MCF2L2: variants seen among roughly 807,000 people sequenced by gnomAD.
MCF2L2 encodes the protein MCF.2 cell line derived transforming sequence-like 2, also known as probable guanine nucleotide exchange factor MCF2L2.
A neutral mutation model predicts 150.2 loss-of-function variants in MCF2L2; 102 were observed. The ratio of observed to expected loss-of-function variants is 0.68; its 90% CI spans 0.58 to 0.80. The LOEUF is 0.80. MCF2L2 is among the 30% of genes least tolerant of loss of function. MCF2L2 has a pLI of 0.00. For synonymous variants in MCF2L2, 465 were observed against 491.3 expected (o/e 0.95, Z 0.71); for missense variants, 1,256 against 1,372.8 (o/e 0.91, Z 1.34).
At chr3:183,356,805 A>C (rs1711812131) in intron 3 of MCF2L2, among the ~76,000 whole-genome samples, 1 of 152,214 alleles carries the variant, frequency 6.6e-6, no homozygotes. Flanking sequence ...CAAACAGAAC[A>C]GCCAATCTAG....
At chr3:183,222,403 A>G (rs1490797137) in intron 20 of MCF2L2, among the ~76,000 whole-genome samples, 1 of 152,172 alleles carries the variant, frequency 6.6e-6, no homozygotes. Context: ...TACAAAAATT[A>G]GCCAGGCATG....
At chr3:183,332,478 G>C (rs1008471721) in intron 5 of MCF2L2, among the ~76,000 whole-genome samples, 1 of 152,152 alleles carries the variant, frequency 6.6e-6, no homozygotes, top group African/African-American at 2.4e-5. Flanking sequence ...CCTAGGTGTA[G>C]ATGCATCACC....
chr3:183,365,513 T>C (rs988324528), intron 3 of MCF2L2, among the ~76,000 whole-genome samples: 1 of 152,224 alleles, frequency 6.6e-6, no homozygotes, highest in Non-Finnish European at 1.5e-5. Context: ...CTCAAGTCAC[T>C]GAGGCACAGA....
At chr3:183,341,261 G>A (rs933071238) in intron 4 of MCF2L2, among the ~76,000 whole-genome samples, 6 of 152,118 alleles carry the variant, frequency 3.9e-5, no homozygotes, top group African/African-American at 1.2e-4. Flanking sequence ...GTTACTCCCC[G>A]GGCATTAACT....
In MCF2L2 at chr3:183,327,371, T is replaced by C. The variant is rs80209846; in HGVS notation, c.487-4020A>G. ...AAATAAATAAATAAAACCTAACCAA[T>C]AGGCCAGGGAAGACTGCAAAGAAAG... is the stretch of plus-strand genomic sequence containing the variant. On this transcript the variant is annotated intron_variant, in intron 5 of 29. Transcript: ENST00000328913. Among the ~76,000 whole-genome samples the C allele has an allele frequency of 1.5e-4, 23 of 152,068 alleles. No individual in the cohort carries two copies. The East Asian group carries it at 4.4e-3, about 29-fold the overall frequency.
At chr3:183,214,089 T>A (rs535726278) in intron 22 of MCF2L2, among the ~76,000 whole-genome samples, 2 of 152,344 alleles carry the variant, frequency 1.3e-5, no homozygotes, top group South Asian at 4.1e-4. Context: ...ACCATTCTTT[T>A]CTCACAGCCT....
chr3:183,294,216 T>TA (rs1728328371), intron 13 of MCF2L2, among the ~76,000 whole-genome samples: 2 of 152,212 alleles, frequency 1.3e-5, no homozygotes, highest in Admixed American at 1.3e-4. Context: ...CATAAGAACT[T>TA]ACCTATTTTT....
intron 21 of MCF2L2, among the ~76,000 whole-genome samples, chr3:183,216,578 ATATTTTTTTTTTTTTTTTTTTTTTT>A (rs1397494317): frequency 8.1e-3 from 55 of 6,768 alleles, no homozygotes; most frequent in Non-Finnish European, 0.015. Context: ...ATATATATAT[ATATTTTTTTTTTTTTTTTTTTTTTT>A]TTTTTTTTTT....
At chr3:183,231,318 G>A (rs1723548406) in intron 15 of MCF2L2, 1 of 520,912 alleles carries the variant, frequency 1.9e-6, no homozygotes, top group South Asian at 1.6e-5. Context: ...GTCAAGAAGG[G>A]AGATGTTGGA....
intron 10 of MCF2L2, among the ~76,000 whole-genome samples, chr3:183,303,160 C>T (rs917350160): frequency 1.4e-5 from 2 of 145,660 alleles, no homozygotes; most frequent in Non-Finnish European, 3.0e-5. Context: ...TGCCACTGCA[C>T]TCCAGCCTGG....
Position 183,400,243 on chromosome 3 carries a change from A to G in MCF2L2, c.77-10464T>C, listed in dbSNP as rs76639740. ...CAAAAAACTTGAGACGGTACTGCAA[A>G]GTAAGATTTTTTTTAATGTAAAATT... On this transcript the variant is annotated intron_variant, in intron 1 of 29. Coordinates refer to ENST00000328913, the MANE Select transcript of MCF2L2 (RefSeq NM_015078.4). 1.8e-3 allele frequency: 598 copies of G among 331,698 alleles called. 9 individuals carry two copies. Among genetic ancestry groups the G allele is most frequent in the Admixed American group, 0.017 (392 of 22,746 alleles). The allele number at this position is 331,698 out of a possible 1,614,324, so 20.5% of individuals were successfully genotyped here.
At chr3:183,366,994 T>C (rs1456152081) in intron 3 of MCF2L2, among the ~76,000 whole-genome samples, 2 of 152,172 alleles carry the variant, frequency 1.3e-5, no homozygotes, top group Admixed American at 1.3e-4. Context: ...AAAAAAGTCA[T>C]TGTCTGACTC....
chr3:183,223,613 A>T (rs1396506566), intron 19 of MCF2L2, among the ~76,000 whole-genome samples, 175 bp from the exon 20 acceptor site: 1 of 152,238 alleles, frequency 6.6e-6, no homozygotes, highest in African/African-American at 2.4e-5. Context: ...AGTGTGTGAA[A>T]TAAGAGAAAG....
chr3:183,212,878 C>T (rs559200342), intron 22 of MCF2L2, among the ~76,000 whole-genome samples: 29 of 143,616 alleles, frequency 2.0e-4, no homozygotes, highest in African/African-American at 7.3e-4. Flanking sequence ...GCGCCAGGCA[C>T]AGTGCTTGGT....
intron 3 of MCF2L2, among the ~76,000 whole-genome samples, chr3:183,344,083 T>C (rs1296813441): frequency 6.6e-6 from 1 of 151,922 alleles, no homozygotes; most frequent in African/African-American, 2.4e-5. Flanking sequence ...TCTGGGAGGA[T>C]TGCTTGAGCA....
intron 11 of MCF2L2, chr3:183,297,393 G>A (rs896124110): frequency 6.0e-5 from 29 of 486,754 alleles, no homozygotes; most frequent in East Asian, 3.2e-4. Flanking sequence ...GAAGTCACTC[G>A]GTCAGCAAAA....
At chr3:183,378,805 G>A (rs1407085433) in intron 3 of MCF2L2, 1 of 151,552 alleles carries the variant, frequency 6.6e-6, no homozygotes, top group Non-Finnish European at 1.5e-5. Context: ...ATTACTTGAG[G>A]TTAGGAGTTC....
chr3:183,240,540 T>A (rs1473892619), intron 15 of MCF2L2, among the ~76,000 whole-genome samples: 3 of 152,158 alleles, frequency 2.0e-5, no homozygotes, highest in African/African-American at 7.2e-5. Flanking sequence ...ATTTTTATCC[T>A]GTCTTCATTC....
At chr3:183,183,163 T>C (rs181485730) in intron 27 of MCF2L2, among the ~76,000 whole-genome samples, 46 of 152,226 alleles carry the variant, frequency 3.0e-4, no homozygotes, top group African/African-American at 8.9e-4. Flanking sequence ...ACCCAGCTAA[T>C]TTTTGTATTT....
Sources: gnomAD v4.1 joint callset for allele counts (sites outside exome capture counted in the v4.1 genomes callset) on GRCh38, gnomAD v4.1.1 for gene constraint, MANE v1.5 for transcripts, NCBI Gene and HGNC (gene_info 2026-07-23, HGNC 2026-07-21) for gene names.